The following DLGAP2 variants were observed in gnomAD, a reference collection of about 807,000 sequenced individuals.
The protein encoded by DLGAP2 is DLG associated protein 2, also known as disks large-associated protein 2.
DLGAP2 carries 26 observed loss-of-function variants against 100.3 expected under a neutral mutation model. The observed-to-expected ratio is 0.26, with a 90% confidence interval of 0.19 to 0.36. The LOEUF (loss-of-function observed/expected upper bound fraction) is 0.36, where lower values mean the gene tolerates loss of function less well. DLGAP2 is among the 10% of genes least tolerant of loss of function. The pLI is 1.00. For missense variants in DLGAP2, 1,858 were observed against 1,453.2 expected (o/e 1.28, Z -4.53); for synonymous variants, 886 against 630.1 (o/e 1.41, Z -6.08).
intron 3 of DLGAP2, among the ~76,000 whole-genome samples, chr8:1,370,835 T>C (rs983486228): frequency 1.3e-5 from 2 of 152,220 alleles, no homozygotes; most frequent in African/African-American, 4.8e-5. Flanking sequence ...AAATTGGGCA[T>C]AAAAGATGAG....
intron 5 of DLGAP2, among the ~76,000 whole-genome samples, chr8:1,552,657 T>C (rs187636579): frequency 6.6e-6 from 1 of 152,360 alleles, no homozygotes; most frequent in Admixed American, 6.5e-5. Context: ...AAGGAATTTG[T>C]CTGTGGGTCC....
intron 3 of DLGAP2, chr8:1,259,471 A>G (rs1040286821): frequency 6.6e-6 from 1 of 152,284 alleles, no homozygotes; most frequent in African/African-American, 2.4e-5. Flanking sequence ...CTAATTAGAA[A>G]GAATAAGGAC....
chr8:1,331,460 G>T (rs564660996), intron 3 of DLGAP2, among the ~76,000 whole-genome samples: 6 of 152,164 alleles, frequency 3.9e-5, no homozygotes. Flanking sequence ...ACCATGCCGG[G>T]CAAACAACAG....
chr8:1,565,082 G>A (rs1269779166), intron 5 of DLGAP2, among the ~76,000 whole-genome samples: 5 of 152,278 alleles, frequency 3.3e-5, no homozygotes, highest in Middle Eastern at 3.4e-3. Flanking sequence ...TAACATGAGC[G>A]GGTGCTGAGT....
intron 2 of DLGAP2, among the ~76,000 whole-genome samples, chr8:1,222,781 G>A (rs1407143295): frequency 6.6e-6 from 1 of 152,124 alleles, no homozygotes; most frequent in East Asian, 1.9e-4. Context: ...CCACTGATGA[G>A]AGCCTTGGCA....
At chr8:1,546,415 C>G (rs1195069437) in intron 4 of DLGAP2, among the ~76,000 whole-genome samples, 1 of 152,210 alleles carries the variant, frequency 6.6e-6, no homozygotes, top group Non-Finnish European at 1.5e-5. Context: ...GTGTGAGAAG[C>G]CGGTCCCTGA....
chr8:815,241 C>T (rs1288008830), intron 1 of DLGAP2, among the ~76,000 whole-genome samples: 10 of 152,214 alleles, frequency 6.6e-5, no homozygotes, highest in Admixed American at 6.5e-4. Context: ...GGGCTGCTGT[C>T]TGCTTGCAGG....
intron 3 of DLGAP2, among the ~76,000 whole-genome samples, chr8:1,355,037 G>A (rs1377085102): frequency 5.8e-5 from 8 of 136,896 alleles, no homozygotes; most frequent in South Asian, 2.4e-4. Flanking sequence ...CTGTGGATGA[G>A]GGTGGAAAGT....
At chr8:1,132,398 A>G (rs1246009300) in intron 2 of DLGAP2, among the ~76,000 whole-genome samples, 1 of 152,222 alleles carries the variant, frequency 6.6e-6, no homozygotes, top group Non-Finnish European at 1.5e-5. Context: ...TTTCTGTAAT[A>G]TTACAGTTAA....
At chr8:790,423 A>G (rs975971305) in intron 1 of DLGAP2, among the ~76,000 whole-genome samples, 3 of 152,190 alleles carry the variant, frequency 2.0e-5, no homozygotes, top group Admixed American at 6.5e-5. Context: ...CAAGTGTGAG[A>G]AAATGTATTT....
At chr8:1,040,621 C>T (rs1045635470) in intron 2 of DLGAP2, among the ~76,000 whole-genome samples, 5 of 147,898 alleles carry the variant, frequency 3.4e-5, no homozygotes, top group East Asian at 2.0e-4. Flanking sequence ...TGTGCGTGGT[C>T]GGCTCGATTT....
At chr8:972,035 G>A (rs1008016104) in intron 2 of DLGAP2, among the ~76,000 whole-genome samples, 3 of 152,184 alleles carry the variant, frequency 2.0e-5, no homozygotes, top group African/African-American at 7.2e-5. Context: ...GTCATTGCTA[G>A]ATTCAGGTCC....
chr8:1,689,110 T>C (rs530928016), intron 12 of DLGAP2, among the ~76,000 whole-genome samples: 231 of 152,270 alleles, frequency 1.5e-3, no homozygotes, highest in Admixed American at 3.1e-3. Flanking sequence ...AGAGCTGTTG[T>C]GGAAGAACCT....
intron 2 of DLGAP2, among the ~76,000 whole-genome samples, chr8:912,940 C>A (rs1798518615): frequency 6.6e-6 from 1 of 152,102 alleles, no homozygotes; most frequent in East Asian, 1.9e-4. Context: ...TTCCTGTGGT[C>A]TTTCCCCTCA....
chr8:836,230 C>T (rs973089189), intron 1 of DLGAP2, among the ~76,000 whole-genome samples: 1 of 152,224 alleles, frequency 6.6e-6, no homozygotes. Flanking sequence ...CCGCCTCCTG[C>T]TTCCAGTGCC....
intron 2 of DLGAP2, among the ~76,000 whole-genome samples, chr8:1,075,878 G>A (rs1244476380): frequency 6.6e-6 from 1 of 151,470 alleles, no homozygotes; most frequent in Non-Finnish European, 1.5e-5. Context: ...ACCAGCCTGG[G>A]CAACGGAGGG....
At chr8:1,232,246 C>T (rs914767618) in intron 2 of DLGAP2, among the ~76,000 whole-genome samples, 5 of 152,222 alleles carry the variant, frequency 3.3e-5, no homozygotes, top group South Asian at 2.1e-4. Flanking sequence ...TGGCCCACAA[C>T]GCAAAAGGAC....
At chr8:1,123,516 A>G (rs1796096399) in intron 2 of DLGAP2, among the ~76,000 whole-genome samples, 2 of 152,164 alleles carry the variant, frequency 1.3e-5, no homozygotes, top group Non-Finnish European at 2.9e-5. Context: ...TTAGCTTTGG[A>G]GACTCTAAAA....
At chr8:1,408,348 G>A (rs1369673541) in intron 3 of DLGAP2, among the ~76,000 whole-genome samples, 8 of 152,264 alleles carry the variant, frequency 5.3e-5, no homozygotes, top group Non-Finnish European at 7.4e-5. Context: ...TCGGGGAGGC[G>A]TCTGTGTTCT....
Sources: gnomAD v4.1 joint callset for allele counts (sites outside exome capture counted in the v4.1 genomes callset) on GRCh38, gnomAD v4.1.1 for gene constraint, MANE v1.5 for transcripts, NCBI Gene and HGNC (gene_info 2026-07-23, HGNC 2026-07-21) for gene names.